The following PDE4D variants were observed in gnomAD, a reference collection of about 807,000 sequenced individuals.
PDE4D encodes 3',5'-cyclic-AMP phosphodiesterase 4D.
Under a neutral mutation model 87.4 loss-of-function variants are expected in PDE4D, and 24 were observed. The ratio of observed to expected loss-of-function variants is 0.27; its 90% CI spans 0.20 to 0.39. The LOEUF (loss-of-function observed/expected upper bound fraction) is 0.39, where lower values mean the gene tolerates loss of function less well. PDE4D is among the 10% of genes least tolerant of loss of function. The pLI is 1.00. For synonymous variants in PDE4D, 384 were observed against 383.2 expected (o/e 1.00, Z -0.02); for missense variants, 714 against 1,041.0 (o/e 0.69, Z 4.32).
At chr5:59,646,091 T>G (rs769578752) in intron 1 of PDE4D, among the ~76,000 whole-genome samples, 10 of 152,250 alleles carry the variant, frequency 6.6e-5, no homozygotes, top group Non-Finnish European at 1.2e-4. Context: ...TTATAAATTT[T>G]GTTATCCTTG....
chr5:59,522,439 C>T (rs528778329), intron 1 of PDE4D, among the ~76,000 whole-genome samples: 51 of 152,254 alleles, frequency 3.3e-4, no homozygotes, highest in African/African-American at 1.1e-3. Flanking sequence ...TTTACACAAA[C>T]GGCAATTGAG....
intron 1 of PDE4D, among the ~76,000 whole-genome samples, chr5:59,350,086 C>A (rs866066378): frequency 6.6e-6 from 1 of 152,238 alleles, no homozygotes; most frequent in Middle Eastern, 3.4e-3. Context: ...CTTACAAAAA[C>A]CCTATTGTAG....
chr5:60,199,084 C>T (rs1000495228), intron 1 of PDE4D, among the ~76,000 whole-genome samples: 2 of 151,688 alleles, frequency 1.3e-5, no homozygotes, highest in African/African-American at 2.4e-5. Flanking sequence ...ATTTGAAATC[C>T]TTTTCATTTT....
At chr5:60,313,943 A>G (rs1317710412) in intron 1 of PDE4D, among the ~76,000 whole-genome samples, 1 of 152,194 alleles carries the variant, frequency 6.6e-6, no homozygotes, top group African/African-American at 2.4e-5. Context: ...AACAAACTTC[A>G]AAATAACAAC....
rs150922158 is a variant in PDE4D, at chr5:59,523,110, T to C, written c.456-307142A>G. 1.5e-3 allele frequency among the ~76,000 whole-genome samples: 227 copies of C among 152,236 alleles called. 1 individual carries two copies. The highest frequency in any genetic ancestry group is 5.3e-3 in the African/African-American group (222 of 41,546). On this transcript the variant is annotated intron_variant, in intron 1 of 14. Transcript: ENST00000340635. Reference sequence around the variant, plus strand: ...TTATTGATGGCTCACTATCTTCTGCTTCTCTCTCTCATTTCTCTTTTCTTC... The same window carrying C: ...TTATTGATGGCTCACTATCTTCTGCCTCTCTCTCTCATTTCTCTTTTCTTC...
At chr5:59,226,810 T>C (rs1388917610) in intron 1 of PDE4D, among the ~76,000 whole-genome samples, 1 of 152,106 alleles carries the variant, frequency 6.6e-6, no homozygotes, top group Non-Finnish European at 1.5e-5. Context: ...AGTAAACATA[T>C]ACATTCAATC....
chr5:60,213,652 A>C (rs965064698), intron 1 of PDE4D, among the ~76,000 whole-genome samples: 2 of 152,156 alleles, frequency 1.3e-5, no homozygotes, highest in African/African-American at 4.8e-5. Context: ...TTTTATAGTC[A>C]ATAAGGCCAG....
intron 1 of PDE4D, among the ~76,000 whole-genome samples, chr5:59,293,533 T>C (rs1026346232): frequency 1.3e-5 from 2 of 152,178 alleles, no homozygotes; most frequent in Admixed American, 1.3e-4. Context: ...TTCTGCTCAA[T>C]TGCTCAGTGG....
At chr5:59,440,298 C>T (rs1330650439) in intron 1 of PDE4D, among the ~76,000 whole-genome samples, 1 of 152,086 alleles carries the variant, frequency 6.6e-6, no homozygotes, top group Non-Finnish European at 1.5e-5. Context: ...TACAAGTAGC[C>T]TAAGACCTTA....
chr5:59,090,202 A>G (rs1265058646), intron 5 of PDE4D, among the ~76,000 whole-genome samples: 1 of 152,160 alleles, frequency 6.6e-6, no homozygotes, highest in Non-Finnish European at 1.5e-5. Flanking sequence ...AAGTTTCATC[A>G]TATCTTTCTT....
intron 1 of PDE4D, among the ~76,000 whole-genome samples, chr5:59,771,465 GAAAGAA>G (rs1380733684): frequency 3.3e-4 from 24 of 73,102 alleles, no homozygotes; most frequent in African/African-American, 8.2e-4. Flanking sequence ...AAGAAAGAAA[GAAAGAA>G]AGAAAGAAAG....
At chr5:59,142,550 G>A (rs899862157) in intron 5 of PDE4D, among the ~76,000 whole-genome samples, 12 of 152,208 alleles carry the variant, frequency 7.9e-5, no homozygotes, top group Non-Finnish European at 1.3e-4. Flanking sequence ...GCTAAATTTT[G>A]CCTAAAGGCG....
At chr5:60,062,314 CACA>C (rs776977105) in intron 2 of PDE4D, among the ~76,000 whole-genome samples, 23 of 151,992 alleles carry the variant, frequency 1.5e-4, no homozygotes, top group Non-Finnish European at 2.9e-5. Flanking sequence ...GAAAAAAAAG[CACA>C]ACATCACTGA....
At chr5:59,526,443 A>T (rs1813145566) in intron 1 of PDE4D, among the ~76,000 whole-genome samples, 1 of 152,200 alleles carries the variant, frequency 6.6e-6, no homozygotes, top group Non-Finnish European at 1.5e-5. Flanking sequence ...AAATAATTGT[A>T]TGCTTGCTTC....
At chr5:59,947,766 T>C (rs1358839275) in intron 3 of PDE4D, among the ~76,000 whole-genome samples, 1 of 152,174 alleles carries the variant, frequency 6.6e-6, no homozygotes, top group African/African-American at 2.4e-5. Flanking sequence ...CCCAGCACTT[T>C]GGGAGGCCGA....
intron 2 of PDE4D, among the ~76,000 whole-genome samples, chr5:60,075,589 T>A (rs764083944): frequency 2.6e-4 from 39 of 152,180 alleles, no homozygotes; most frequent in Non-Finnish European, 5.1e-4. Flanking sequence ...TGGATGATAT[T>A]CTGAAATATG....
intron 1 of PDE4D, among the ~76,000 whole-genome samples, chr5:59,482,674 TTATCA>T (rs540475959): frequency 4.6e-5 from 7 of 152,174 alleles, no homozygotes; most frequent in Admixed American, 2.0e-4. Flanking sequence ...GTACACATCA[TTATCA>T]TAACAGGGCA....
intron 5 of PDE4D, among the ~76,000 whole-genome samples, chr5:59,141,430 A>C (rs76845894): frequency 0.039 from 5,908 of 152,240 alleles, 342 homozygotes; most frequent in African/African-American, 0.12. Context: ...CAAAGTTAAG[A>C]CTATGGACAA....
Position 58,975,855 on chromosome 5 carries a change from G to A in PDE4D, c.1831-16C>T. The stretch of plus-strand genomic sequence containing the variant: ...TCTGAAGAACCTAAAATAGATGGAT[G>A]CATTCTCTATTCACTCCTGTTCCTT... On this transcript the variant is annotated splice_polypyrimidine_tract_variant and intron_variant, in intron 13 of 14. Transcript: ENST00000340635. This position sits in a 1 kb window ranked among gnomAD's most constrained non-coding sequence, Gnocchi z 4.2. 3.5e-6 allele frequency: 5 copies of A among 1,413,964 alleles called. No homozygotes were observed. Among genetic ancestry groups the A allele is most frequent in the Non-Finnish European group, 3.7e-6 (4 of 1,071,374 alleles). The allele number at this position is 1,413,964 out of a possible 1,614,324, so 87.6% of individuals were successfully genotyped here.
Sources: gnomAD v4.1 joint callset for allele counts (sites outside exome capture counted in the v4.1 genomes callset) on GRCh38, gnomAD v4.1.1 for gene constraint, Gnocchi (gnomAD v3.1) non-coding constraint, MANE v1.5 for transcripts, NCBI Gene and HGNC (gene_info 2026-07-23, HGNC 2026-07-21) for gene names.